The following KANSL3 variants were observed in gnomAD, a reference collection of about 807,000 sequenced individuals.
The protein encoded by KANSL3 is KAT8 regulatory NSL complex subunit 3.
A neutral mutation model predicts 89.2 loss-of-function variants in KANSL3; 16 were observed. The observed-to-expected ratio is 0.18, with a 90% confidence interval of 0.12 to 0.27. The LOEUF is 0.27. Ranked by LOEUF, KANSL3 falls within the 10% of genes least tolerant of loss-of-function variation. The probability of loss-of-function intolerance (pLI) is 1.00; values close to 1 mark genes in which losing one functional copy is unlikely to be tolerated. For missense variants in KANSL3, 879 were observed against 1,110.6 expected, an observed-to-expected ratio of 0.79 and a Z score of 2.96; for synonymous variants, 385 against 419.7, an observed-to-expected ratio of 0.92 and a Z score of 1.01.
the KANSL3 span, among the ~76,000 whole-genome samples, chr2:96,587,453 AC>A: frequency 6.6e-6 from 1 of 152,062 alleles, no homozygotes; most frequent in African/African-American, 2.4e-5. Context: ...TAAAGACTCC[AC>A]CCCAATGTCA....
intron 5 of KANSL3, among the ~76,000 whole-genome samples, chr2:96,614,621 A>G (rs1204482616): frequency 3.3e-5 from 5 of 152,052 alleles, no homozygotes; most frequent in Non-Finnish European, 7.4e-5. Flanking sequence ...AAATACAAAA[A>G]TTAGCCAGGT....
At chr2:96,602,644 G>T in intron 18 of KANSL3, 109 bp downstream of exon 18, 1 of 849,008 alleles carries the variant, frequency 1.2e-6, no homozygotes, top group Non-Finnish European at 1.8e-6. Flanking sequence ...CTAGAAGGCT[G>T]TTTGTCCTTG....
chr2:96,637,615 G>C (rs923945414), intron 1 of KANSL3, among the ~76,000 whole-genome samples: 4 of 152,196 alleles, frequency 2.6e-5, no homozygotes, highest in African/African-American at 9.7e-5. Context: ...GAAGGGAGCC[G>C]GGGCCGCAGC....
At chr2:96,618,692 C>G (rs1015946824) in intron 5 of KANSL3, among the ~76,000 whole-genome samples, 6 of 152,206 alleles carry the variant, frequency 3.9e-5, no homozygotes, top group African/African-American at 1.4e-4. Context: ...TTATCAGCCA[C>G]ATTTTAGAGA....
At chr2:96,628,435 G>C (rs889090796) in intron 3 of KANSL3, 1 of 236,638 alleles carries the variant, frequency 4.2e-6, no homozygotes, top group African/African-American at 2.3e-5. Flanking sequence ...CAGACCACTT[G>C]AGCCAGGAGT....
chr2:96,634,742 GCT>G (rs1172508101), intron 2 of KANSL3, among the ~76,000 whole-genome samples: 1 of 152,222 alleles, frequency 6.6e-6, no homozygotes, highest in Non-Finnish European at 1.5e-5. Flanking sequence ...ATCATGTGCA[GCT>G]AGATTTGGTG....
chr2:96,627,435 A>T (rs2072555350), intron 3 of KANSL3, among the ~76,000 whole-genome samples: 2 of 152,070 alleles, frequency 1.3e-5, no homozygotes, highest in South Asian at 4.1e-4. Flanking sequence ...GGCTGGTCTC[A>T]AACTCCTCAC....
At chr2:96,612,670 G>T in intron 7 of KANSL3, 107 bp from the exon 8 acceptor site, 1 of 1,143,258 alleles carries the variant, frequency 8.7e-7, no homozygotes, top group Non-Finnish European at 1.3e-6. Flanking sequence ...ATGAAAGAAG[G>T]ATTAGAGGAG....
At chr2:96,611,903 A>ATATGTGTGTGTG (rs376030964) in intron 9 of KANSL3, among the ~76,000 whole-genome samples, 4,979 of 113,260 alleles carry the variant, frequency 0.044, 179 homozygotes, top group South Asian at 0.15. Flanking sequence ...ATATACCCAT[A>ATATGTGTGTGTG]TGTGTGTGTG....
At chr2:96,598,087 C>T (rs1265522141) in intron 20 of KANSL3, 18 of 985,232 alleles carry the variant, frequency 1.8e-5, no homozygotes, top group Non-Finnish European at 2.2e-5. Context: ...TTACCTAACA[C>T]AGGAGGAAGG....
intron 11 of KANSL3, chr2:96,610,449 G>A (rs2068727778): frequency 4.1e-6 from 1 of 246,190 alleles, no homozygotes; most frequent in East Asian, 8.6e-5. Flanking sequence ...CCGAGTAGCT[G>A]GGACTACAGG....
chr2:96,613,744 A>C, intron 5 of KANSL3, 125 bp from the exon 6 acceptor site: 2 of 777,674 alleles, frequency 2.6e-6, no homozygotes, highest in East Asian at 2.9e-5. Flanking sequence ...GCCTCTGAAA[A>C]CCTCCTAAGG....
intron 2 of KANSL3, among the ~76,000 whole-genome samples, chr2:96,636,008 C>CCA (rs1458340622): frequency 6.7e-6 from 1 of 149,464 alleles, no homozygotes; most frequent in Non-Finnish European, 1.5e-5. Context: ...AAAAAAAAAA[C>CCA]CACACACACA....
intron 3 of KANSL3, among the ~76,000 whole-genome samples, chr2:96,625,984 C>T (rs1314364957): frequency 8.7e-5 from 13 of 150,252 alleles, no homozygotes; most frequent in Non-Finnish European, 1.8e-4. Flanking sequence ...CCCGCCTATT[C>T]AATTTTCATG....
chr2:96,608,607 C>T lies in KANSL3; in HGVS notation c.1642G>A (p.Val548Met). The T allele has an allele frequency of 1.2e-6, 2 of 1,614,020 alleles. No individual in the cohort carries two copies. The highest frequency in any genetic ancestry group is 3.3e-5 in the Admixed American group (2 of 60,028). Residue 548 changes from valine (V) to methionine (M), a missense_variant, in exon 14 of 21, where the codon GTG becomes ATG. Val to Met is a conservative substitution (Grantham distance 21). This residue lies in a region of KANSL3 where 317 missense variants were observed against 311.2 expected (regional missense o/e 1.02). Coordinates refer to ENST00000431828, the MANE Select transcript of KANSL3 (RefSeq NM_001115016.3). ...TGACTGGACTTCTGGGCAGAGGTCA[C>T]TGTGGTCACTTTGGTCTTGGGACTG... ...TSSPKTKVTT[V>M]TSAQKSSQIG... is the part of the protein sequence containing the mutation.
chr2:96,608,934 T>C lies in KANSL3; in HGVS notation c.1514A>G (p.Glu505Gly). 3 of 1,569,702 alleles carry C rather than the reference T, an allele frequency of 1.9e-6. No individual in the cohort carries two copies. The highest frequency in any genetic ancestry group is 2.6e-6 in the Non-Finnish European group (3 of 1,157,254). ...RDVARRDLAF[E>G]VPERGSRPAS... Reference sequence around the variant, plus strand: ...AGGTCGACTGCCCCGCTCAGGGACTTCAAAGGCCAAGTCTCTGCGGGCCAC... The same window carrying C: ...AGGTCGACTGCCCCGCTCAGGGACTCCAAAGGCCAAGTCTCTGCGGGCCAC... Residue 505 changes from glutamate to glycine, a missense_variant, in exon 13 of 21, where the codon GAA becomes GGA. Physicochemically the swap from Glu to Gly is moderately conservative, Grantham distance 98 (BLOSUM62 -2). Coordinates refer to ENST00000431828, the MANE Select transcript of KANSL3 (RefSeq NM_001115016.3).
At chr2:96,634,568 C>T (rs2073982970) in intron 2 of KANSL3, among the ~76,000 whole-genome samples, 1 of 152,114 alleles carries the variant, frequency 6.6e-6, no homozygotes, top group African/African-American at 2.4e-5. Context: ...GGTCCTTCCC[C>T]ACTTTATGAT....
chr2:96,611,400 A>G (rs2068915016), intron 9 of KANSL3, among the ~76,000 whole-genome samples: 1 of 152,230 alleles, frequency 6.6e-6, no homozygotes, highest in South Asian at 2.1e-4. Flanking sequence ...TAGAAGGTTC[A>G]GTATTCCTAC....
intron 20 of KANSL3, chr2:96,599,637 A>G (rs1327633874): frequency 3.4e-6 from 1 of 294,468 alleles, no homozygotes; most frequent in African/African-American, 2.3e-5. Context: ...TAGAAAGAAA[A>G]AAAAATATGA....
Sources: gnomAD v4.1 joint callset for allele counts (sites outside exome capture counted in the v4.1 genomes callset) on GRCh38, gnomAD v4.1.1 for gene constraint, gnomAD v4.1.1 regional missense constraint, MANE v1.5 for transcripts, NCBI Gene and HGNC (gene_info 2026-07-23, HGNC 2026-07-21) for gene names.